The following NR1H4 variants were observed in gnomAD, a reference collection of about 807,000 sequenced individuals.
NR1H4 encodes the protein bile acid receptor.
A neutral mutation model predicts 58.5 loss-of-function variants in NR1H4; 23 were observed. That is an observed-to-expected ratio of 0.39 (90% CI 0.28 to 0.56). The LOEUF (loss-of-function observed/expected upper bound fraction) is 0.56. Among genes scored for constraint, NR1H4 ranks in the 20% least tolerant of loss-of-function variants. The pLI, the probability that NR1H4 is intolerant of heterozygous loss-of-function variation, is 0.58. For missense variants in NR1H4, 487 were observed against 576.9 expected (o/e 0.84, Z 1.60); for synonymous variants, 214 against 198.0 (o/e 1.08, Z -0.68).
intron 4 of NR1H4, among the ~76,000 whole-genome samples, chr12:100,519,204 T>C (rs1224209760): frequency 2.0e-5 from 3 of 152,180 alleles, no homozygotes; most frequent in African/African-American, 7.2e-5. Flanking sequence ...TTTTTTAAAA[T>C]TGGATTTAAT....
At chr12:100,529,570 C>T (rs1343080407) in intron 4 of NR1H4, among the ~76,000 whole-genome samples, 1 of 152,132 alleles carries the variant, frequency 6.6e-6, no homozygotes, top group Non-Finnish European at 1.5e-5. Flanking sequence ...CATACTCTAC[C>T]CAACCGCCAC....
intron 1 of NR1H4, among the ~76,000 whole-genome samples, chr12:100,492,177 A>T (rs1953618990): frequency 6.6e-6 from 1 of 152,214 alleles, no homozygotes; most frequent in Non-Finnish European, 1.5e-5. Flanking sequence ...TGAAGGAAAC[A>T]GGTTTCTGGT....
In NR1H4 at chr12:100,512,489, A is replaced by C. The variant is rs150874517; in HGVS notation, c.445+1346A>C. Among the ~76,000 whole-genome samples the C allele has an allele frequency of 5.8e-3, 884 of 152,122 alleles. 35 individuals are homozygous for C. In the East Asian group the frequency reaches 0.12, roughly 21 times the overall value. ...CCCCGTCTCTACTAAAAATACAAAA[A>C]AATTAGCTGGGCTTGGTGGTGCATG... On this transcript the variant is annotated intron_variant, in intron 4 of 10. Coordinates refer to ENST00000392986, the MANE Select transcript of NR1H4 (RefSeq NM_001206979.2).
At chr12:100,538,884 G>A (rs1954871489) in intron 8 of NR1H4, among the ~76,000 whole-genome samples, 1 of 152,066 alleles carries the variant, frequency 6.6e-6, no homozygotes. Flanking sequence ...AATGAAAGAG[G>A]AACTTAATTT....
In NR1H4 at chr12:100,519,749, C is replaced by T. The variant is rs538386982; in HGVS notation, c.445+8606C>T. Among the ~76,000 whole-genome samples, 3 of 152,274 alleles carry T rather than the reference C, an allele frequency of 2.0e-5. No individual in the cohort carries two copies. The East Asian group carries it at 5.8e-4, about 29-fold the overall frequency. On this transcript the variant is annotated intron_variant, in intron 4 of 10. Coordinates refer to ENST00000392986, the MANE Select transcript of NR1H4 (RefSeq NM_001206979.2). ...GAGTTTCTATAATCTCTCAATCCACCTATCCTAGGATTCTGTCTGGGGATA... is the reference window on the plus strand; with the variant it reads ...GAGTTTCTATAATCTCTCAATCCACTTATCCTAGGATTCTGTCTGGGGATA...
intron 5 of NR1H4, among the ~76,000 whole-genome samples, chr12:100,533,765 G>C (rs1954748953): frequency 6.6e-6 from 1 of 152,108 alleles, no homozygotes. Context: ...ATATTTCATG[G>C]TTCTATAAAA....
chr12:100,512,481 A>G (rs1176174510), intron 4 of NR1H4, among the ~76,000 whole-genome samples: 1 of 152,112 alleles, frequency 6.6e-6, no homozygotes, highest in East Asian at 1.9e-4. Flanking sequence ...TCTACTAAAA[A>G]TACAAAAAAA....
At chr12:100,474,162 A>C (rs566617463) in intron 1 of NR1H4, 103 bp downstream of exon 1, 34 of 152,372 alleles carry the variant, frequency 2.2e-4, no homozygotes, top group African/African-American at 8.2e-4. Flanking sequence ...GTATGTCAAT[A>C]AATGAATTCT....
At position 100,497,804 on chromosome 12, in the gene NR1H4, T is replaced by C. The variant is rs139566776; in HGVS notation, c.79+4402T>C. The stretch of plus-strand genomic sequence containing the variant: ...CACAGCTCCCCACCATCTGACATAG[T>C]GAATAAAACAGGAGATGGTATATTA... On this transcript the variant is annotated intron_variant, in intron 3 of 10. Coordinates refer to ENST00000392986, the MANE Select transcript of NR1H4 (RefSeq NM_001206979.2). Among the ~76,000 whole-genome samples, 205 of 152,318 alleles carry C rather than the reference T, an allele frequency of 1.3e-3. 1 individual carries two copies. Among genetic ancestry groups the C allele is most frequent in the African/African-American group, 4.6e-3 (193 of 41,564 alleles).
At chr12:100,541,055 G>A (rs147046492) in intron 9 of NR1H4, among the ~76,000 whole-genome samples, 134 of 152,264 alleles carry the variant, frequency 8.8e-4, no homozygotes, top group African/African-American at 3.1e-3. Flanking sequence ...AAGATGAAGA[G>A]CCAAAGGAAG....
intron 9 of NR1H4, among the ~76,000 whole-genome samples, chr12:100,559,251 C>T (rs2136316428): frequency 6.6e-6 from 1 of 152,348 alleles, no homozygotes; most frequent in South Asian, 2.1e-4. Flanking sequence ...GCTCTCGGCA[C>T]CTCCTCTGCC....
intron 3 of NR1H4, among the ~76,000 whole-genome samples, chr12:100,498,658 C>A (rs1391477943): frequency 5.3e-5 from 8 of 151,774 alleles, no homozygotes; most frequent in Admixed American, 5.3e-4. Flanking sequence ...CACCAAAAAA[C>A]AAAAACAAAC....
At chr12:100,512,456 C>A (rs1358261392) in intron 4 of NR1H4, among the ~76,000 whole-genome samples, 1 of 151,986 alleles carries the variant, frequency 6.6e-6, no homozygotes, top group African/African-American at 2.4e-5. Flanking sequence ...CTGACTAACA[C>A]GGTGAAACCC....
intron 4 of NR1H4, among the ~76,000 whole-genome samples, chr12:100,528,047 C>G (rs1032259594): frequency 7.2e-5 from 11 of 152,162 alleles, no homozygotes; most frequent in Non-Finnish European, 1.5e-4. Context: ...GGAAGGATCT[C>G]TAGTTACTCA....
chr12:100,493,624 C>T (rs1365457220), intron 3 of NR1H4, among the ~76,000 whole-genome samples: 1 of 152,192 alleles, frequency 6.6e-6, no homozygotes, highest in Non-Finnish European at 1.5e-5. Context: ...ACTGCAAAAG[C>T]TTTGTGAATT....
intron 9 of NR1H4, among the ~76,000 whole-genome samples, chr12:100,556,398 C>A (rs1016420091): frequency 1.4e-5 from 2 of 146,128 alleles, no homozygotes; most frequent in Non-Finnish European, 3.0e-5. Context: ...ACCTGGGAGG[C>A]GGAGTTTGCG....
rs1232146917 is a variant in NR1H4, at chr12:100,534,935, A to T, written c.644A>T (p.Asn215Ile). 6.2e-7 allele frequency: 1 copy of T among 1,614,110 alleles called. No homozygotes were observed. The highest frequency in any genetic ancestry group is 1.7e-5 in the Admixed American group (1 of 60,008). Residue 215 changes from asparagine (N) to isoleucine (I), a missense_variant, in exon 6 of 11, where the codon AAT becomes ATT. Transcript: ENST00000392986. ...TGTAAATCTAAGCGACTGAGAAAAA[A>T]TGTGAAGCAGCATGCAGATCAGACC... is the stretch of plus-strand genomic sequence containing the variant. The part of the protein sequence containing the change: ...IQCKSKRLRK[N>I]VKQHADQTVN...
At chr12:100,559,835 G>C (rs1307872100) in intron 9 of NR1H4, among the ~76,000 whole-genome samples, 1 of 152,250 alleles carries the variant, frequency 6.6e-6, no homozygotes, top group Non-Finnish European at 1.5e-5. Flanking sequence ...GGTGAAGCCA[G>C]CTGGGCTCCT....
At chr12:100,475,747 T>A (rs1174225368) in intron 1 of NR1H4, among the ~76,000 whole-genome samples, 4 of 152,110 alleles carry the variant, frequency 2.6e-5, no homozygotes, top group Non-Finnish European at 4.4e-5. Context: ...TTTATTATTA[T>A]TTTTTTGAGA....
Sources: gnomAD v4.1 joint callset for allele counts (sites outside exome capture counted in the v4.1 genomes callset) on GRCh38, gnomAD v4.1.1 for gene constraint, MANE v1.5 for transcripts, NCBI Gene and HGNC (gene_info 2026-07-23, HGNC 2026-07-21) for gene names.